Variants in GPR158 observed in about 807,000 individuals in gnomAD.
GPR158 encodes the protein G protein-coupled receptor 158, also known as metabotropic glycine receptor.
Under a neutral mutation model 78.2 loss-of-function variants are expected in GPR158, and 30 were observed. The ratio of observed to expected loss-of-function variants is 0.38; its 90% CI spans 0.29 to 0.52. The LOEUF (loss-of-function observed/expected upper bound fraction) is 0.52, where lower values mean the gene tolerates loss of function less well. GPR158 is among the 20% of genes least tolerant of loss of function. The pLI is 0.83. For synonymous variants in GPR158, 581 were observed against 591.1 expected (o/e 0.98, Z 0.25); for missense variants, 1,463 against 1,523.5 (o/e 0.96, Z 0.66).
intron 6 of GPR158, among the ~76,000 whole-genome samples, chr10:25,563,726 T>C (rs1189865454): frequency 6.6e-6 from 1 of 152,168 alleles, no homozygotes; most frequent in South Asian, 2.1e-4. Flanking sequence ...TATGCTCCTC[T>C]TTTATGTTTT....
rs964062840 is a variant in GPR158, at chr10:25,572,433, A to G, written c.1515-216A>G. 5.3e-5 allele frequency among the ~76,000 whole-genome samples: 8 copies of G among 152,280 alleles called. No homozygotes were observed. The East Asian group carries it at 1.5e-3, about 29-fold the overall frequency. ...GCTTGAGCCAGGAGTTCAAGGATGCAGTACACTATGATTGTGCTTGTGAAT... is the reference window on the plus strand; with the variant it reads ...GCTTGAGCCAGGAGTTCAAGGATGCGGTACACTATGATTGTGCTTGTGAAT... On this transcript the variant is annotated intron_variant, in intron 6 of 10. Coordinates refer to ENST00000376351, the MANE Select transcript of GPR158 (RefSeq NM_020752.3).
chr10:25,224,156 A>G (rs1588743707), intron 2 of GPR158, among the ~76,000 whole-genome samples: 2 of 152,194 alleles, frequency 1.3e-5, no homozygotes, highest in South Asian at 4.1e-4. Flanking sequence ...AATCTAGATT[A>G]CTGTAAAATA....
intron 2 of GPR158, among the ~76,000 whole-genome samples, chr10:25,360,565 G>A (rs778455289): frequency 4.6e-5 from 7 of 152,076 alleles, no homozygotes; most frequent in Non-Finnish European, 1.0e-4. Context: ...GGTTGTAGAT[G>A]TGTGGCATTA....
At chr10:25,214,241 G>A (rs1005578716) in intron 1 of GPR158, among the ~76,000 whole-genome samples, 12 of 151,586 alleles carry the variant, frequency 7.9e-5, no homozygotes, top group African/African-American at 2.9e-4. Flanking sequence ...TGATCCACCT[G>A]CTTCGGCCTC....
chr10:25,443,643 G>T (rs1835099098), intron 4 of GPR158, among the ~76,000 whole-genome samples: 1 of 146,172 alleles, frequency 6.8e-6, no homozygotes. Context: ...CTGACCTCAA[G>T]CGATCATTCC....
intron 1 of GPR158, among the ~76,000 whole-genome samples, chr10:25,186,543 C>T (rs1852688725): frequency 6.6e-6 from 1 of 152,120 alleles, no homozygotes; most frequent in Non-Finnish European, 1.5e-5. Context: ...AAGGGGTTAT[C>T]ACCACCGACC....
chr10:25,363,743 G>A (rs74126004), intron 2 of GPR158, among the ~76,000 whole-genome samples: 1,970 of 151,924 alleles, frequency 0.013, 49 homozygotes, highest in African/African-American at 0.045. Flanking sequence ...TCTTAATGCT[G>A]TCCCTGATCC....
chr10:25,459,570 A>G (rs949338532), intron 4 of GPR158, among the ~76,000 whole-genome samples: 4 of 152,238 alleles, frequency 2.6e-5, no homozygotes, highest in African/African-American at 9.6e-5. Context: ...CTTAAAAAAT[A>G]TAAATGAAGT....
At position 25,240,858 on chromosome 10, in the gene GPR158, G is replaced by A. The variant is rs150628677; in HGVS notation, c.1008+19701G>A. Among the ~76,000 whole-genome samples, 168 of 152,218 alleles carry A rather than the reference G, an allele frequency of 1.1e-3. 1 individual carries two copies. The highest frequency in any genetic ancestry group is 3.8e-3 in the African/African-American group (157 of 41,534). On this transcript the variant is annotated intron_variant, in intron 2 of 10. Transcript: ENST00000376351. ...AAATTCTTTACTCTTGAATCAATAT[G>A]TACCTTCATGAAGATGCCCAACTGA...
intron 2 of GPR158, among the ~76,000 whole-genome samples, chr10:25,313,309 T>C (rs951060536): frequency 2.7e-5 from 4 of 150,108 alleles, no homozygotes; most frequent in African/African-American, 4.9e-5. Context: ...AATGACGAGT[T>C]AATGGGTGCA....
chr10:25,249,859 A>G (rs1320326215), intron 2 of GPR158, among the ~76,000 whole-genome samples: 3 of 145,064 alleles, frequency 2.1e-5, no homozygotes, highest in Admixed American at 6.9e-5. Context: ...CTCTTTTTCT[A>G]TTGATTGGAA....
At chr10:25,211,294 A>C (rs945690813) in intron 1 of GPR158, among the ~76,000 whole-genome samples, 1 of 152,158 alleles carries the variant, frequency 6.6e-6, no homozygotes, top group Admixed American at 6.5e-5. Context: ...ATAGAGATTA[A>C]AATCATTAGA....
chr10:25,365,533 A>G (rs1855708590), intron 2 of GPR158, among the ~76,000 whole-genome samples: 1 of 151,734 alleles, frequency 6.6e-6, no homozygotes, highest in Non-Finnish European at 1.5e-5. Flanking sequence ...TGAGTTTTGC[A>G]TAATTCTTAT....
At chr10:25,536,750 T>C (rs979850992) in intron 5 of GPR158, among the ~76,000 whole-genome samples, 2 of 152,220 alleles carry the variant, frequency 1.3e-5, no homozygotes, top group Admixed American at 6.5e-5. Context: ...AACTGAAAGA[T>C]TCAGTTATCT....
intron 2 of GPR158, among the ~76,000 whole-genome samples, chr10:25,372,361 T>C (rs1190377651): frequency 6.6e-6 from 1 of 151,488 alleles, no homozygotes; most frequent in East Asian, 1.9e-4. Flanking sequence ...TTACTGGGTA[T>C]ATACCCAAAG....
rs1230010203 is a variant in GPR158, at chr10:25,349,612, C to T, written c.1009-46299C>T. Among the ~76,000 whole-genome samples, 4 of 146,660 alleles carry T rather than the reference C, an allele frequency of 2.7e-5. 1 individual carries two copies. In the East Asian group the frequency reaches 5.8e-4, roughly 21 times the overall value. On this transcript the variant is annotated intron_variant, in intron 2 of 10. Coordinates refer to ENST00000376351, the MANE Select transcript of GPR158 (RefSeq NM_020752.3). ...CCATCATGGCAAGACATGTTTGCTT[C>T]CCCTTCACCTTCTTCCATGATTGTA...
chr10:25,532,572 A>G (rs1486597028), intron 5 of GPR158, among the ~76,000 whole-genome samples: 2 of 152,076 alleles, frequency 1.3e-5, no homozygotes, highest in African/African-American at 4.8e-5. Context: ...TAAAGTCACC[A>G]TATAGATATT....
At chr10:25,211,331 T>C (rs967227349) in intron 1 of GPR158, among the ~76,000 whole-genome samples, 1 of 152,140 alleles carries the variant, frequency 6.6e-6, no homozygotes, top group African/African-American at 2.4e-5. Flanking sequence ...AATAAATGAT[T>C]AGAAGTTTAT....
intron 2 of GPR158, among the ~76,000 whole-genome samples, chr10:25,242,662 AT>A (rs1853642052): frequency 6.6e-6 from 1 of 152,064 alleles, no homozygotes; most frequent in Non-Finnish European, 1.5e-5. Flanking sequence ...TTTAGACTGG[AT>A]TTTCCTTTAT....
Sources: allele counts gnomAD v4.1 joint callset (sites outside exome capture counted in the v4.1 genomes callset), GRCh38; gene constraint gnomAD v4.1.1; transcripts MANE v1.5; gene names NCBI Gene and HGNC (gene_info 2026-07-23, HGNC 2026-07-21).